Variants in IL12A observed in about 807,000 individuals in gnomAD.
IL12A encodes interleukin-12 subunit alpha.
Under a neutral mutation model 23.5 loss-of-function variants are expected in IL12A, and 16 were observed. That is an observed-to-expected ratio of 0.68 (90% CI 0.46 to 1.03). The LOEUF (loss-of-function observed/expected upper bound fraction) is 1.03, where lower values mean the gene tolerates loss of function less well. Ranked by LOEUF, IL12A falls within the 50% of genes least tolerant of loss-of-function variation. The pLI, the probability that IL12A is intolerant of heterozygous loss-of-function variation, is 0.00. For synonymous variants in IL12A, 106 were observed against 111.5 expected, an observed-to-expected ratio of 0.95 and a Z score of 0.31; for missense variants, 275 against 307.0, an observed-to-expected ratio of 0.90 and a Z score of 0.78.
intron 3 of IL12A, 76 bp downstream of exon 3, chr3:159,993,201 T>G (rs1371595064): frequency 2.3e-6 from 2 of 865,716 alleles, no homozygotes; most frequent in African/African-American, 3.4e-5. Flanking sequence ...TTCTAAAAAT[T>G]CACGTTTCTG....
chr3:159,993,994 T>A (rs1390779086), intron 6 of IL12A, 150 bp downstream of exon 6: 5 of 745,228 alleles, frequency 6.7e-6, no homozygotes, highest in Non-Finnish European at 1.1e-5. Flanking sequence ...GAGGGTGCCG[T>A]CTATAGGGAG....
chr3:159,995,546 T>C lies in IL12A; in HGVS notation c.749T>C (p.Leu250Pro), dbSNP rs1720470036. 1 of 1,590,310 alleles carries C rather than the reference T, an allele frequency of 6.3e-7. No homozygotes were observed. Among genetic ancestry groups the C allele is most frequent in the African/African-American group, 1.4e-5 (1 of 73,714 alleles). Reference sequence around the variant, plus strand: ...ACTATTGATAGAGTGATGAGCTATCTGAATGCTTCCTAAAAAGCGAGGTCC... The same window carrying C: ...ACTATTGATAGAGTGATGAGCTATCCGAATGCTTCCTAAAAAGCGAGGTCC... The change falls in exon 7 of 7, where the codon CTG becomes CCG. Residue 250 changes from leucine (L) to proline (P), a missense_variant. Physicochemically the swap from Leu to Pro is moderately conservative, Grantham distance 98. Coordinates refer to ENST00000305579, the MANE Select transcript of IL12A (RefSeq NM_000882.4).
intron 1 of IL12A, 36 bp from the exon 2 acceptor site, chr3:159,990,131 G>A (rs1720247272): frequency 6.8e-6 from 11 of 1,609,976 alleles, no homozygotes; most frequent in Admixed American, 1.7e-5. Flanking sequence ...AGGCCATCCA[G>A]GCTGAAGCTC....
rs1720205285 is a variant in IL12A, at chr3:159,989,098, T to G, written c.42T>G (p.Pro14=). The G allele has an allele frequency of 6.2e-7, 1 of 1,613,134 alleles. No individual in the cohort carries two copies. Among genetic ancestry groups the G allele is most frequent in the African/African-American group, 1.3e-5 (1 of 74,916 alleles). ...CAGCCTCCCAGCCACCGCCCTCACC[T>G]GCCGCGGCCACAGGTCTGCATCCAG... Residue 14 remains proline (P), a synonymous_variant, in exon 1 of 7, where the codon CCT becomes CCG. Coordinates refer to ENST00000305579, the MANE Select transcript of IL12A (RefSeq NM_000882.4).
chr3:159,990,106 G>A (rs1720245308), intron 1 of IL12A, 61 bp from the exon 2 acceptor site: 3 of 1,571,418 alleles, frequency 1.9e-6, no homozygotes, highest in Admixed American at 3.4e-5. Flanking sequence ...AGAATGGAGG[G>A]AAGGTGGTGC....
Position 159,989,166 on chromosome 3 carries a change from C to T in IL12A, c.110C>T (p.Pro37Leu), listed in dbSNP as rs1453773422. The T allele has an allele frequency of 6.2e-7, 1 of 1,611,656 alleles. No homozygotes were observed. Among genetic ancestry groups the T allele is most frequent in the Non-Finnish European group, 8.5e-7 (1 of 1,179,422 alleles). ...CTGCAGTGCCGGCTCAGCATGTGTCCAGCGCGCAGTGAGTACTCAGCCCGC... is the reference window on the plus strand; with the variant it reads ...CTGCAGTGCCGGCTCAGCATGTGTCTAGCGCGCAGTGAGTACTCAGCCCGC... Residue 37 changes from proline to leucine, a missense_variant, in exon 1 of 7, where the codon CCA (proline) becomes CTA (leucine). By Grantham distance (98) the Pro-to-Leu change is moderately conservative. Coordinates refer to ENST00000305579, the MANE Select transcript of IL12A (RefSeq NM_000882.4).
intron 2 of IL12A, among the ~76,000 whole-genome samples, chr3:159,992,529 A>ATG (rs1243733560): frequency 3.3e-5 from 5 of 152,186 alleles, no homozygotes; most frequent in African/African-American, 1.2e-4. Context: ...ATCTCTGTGT[A>ATG]TGTGTGTGCG....
chr3:159,989,686 G>C (rs1341138200), intron 1 of IL12A, among the ~76,000 whole-genome samples: 2 of 152,196 alleles, frequency 1.3e-5, no homozygotes, highest in African/African-American at 2.4e-5. Flanking sequence ...GGGAGTCTAA[G>C]GCAGGGAAAA....
Position 159,993,586 on chromosome 3 carries a change from T to C in IL12A, c.439T>C (p.Ser147Pro), listed in dbSNP as rs761941291. 3 of 1,614,184 alleles carry C rather than the reference T, an allele frequency of 1.9e-6. No homozygotes were observed. The Admixed American group carries it at 5.0e-5, about 27-fold the overall frequency. Residue 147 changes from serine to proline, a missense_variant, in exon 5 of 7, where the codon TCC (serine) becomes CCC (proline). Ser to Pro is a moderately conservative substitution (Grantham distance 74, BLOSUM62 -1). Coordinates refer to ENST00000305579, the MANE Select transcript of IL12A (RefSeq NM_000882.4). ...CCTCTAGAATGGGAGTTGCCTGGCCTCCAGAAAGACCTCTTTTATGATGGT... is the reference window on the plus strand; with the variant it reads ...CCTCTAGAATGGGAGTTGCCTGGCCCCCAGAAAGACCTCTTTTATGATGGT...
Position 159,988,900 on chromosome 3 carries a change from A to T in IL12A, c.-157A>T, listed in dbSNP as rs1720194613. On this transcript the variant is annotated 5_prime_UTR_variant, in exon 1 of 7. Transcript: ENST00000305579. ...CGTCCCGGAACGGCTGCGGCCGGGC[A>T]CCCCGGGAGTTAATCCGAAAGCGCC... The T allele has an allele frequency of 4.9e-6, 3 of 615,852 alleles. No individual in the cohort carries two copies. Among genetic ancestry groups the T allele is most frequent in the Non-Finnish European group, 5.7e-6 (2 of 353,114 alleles). The allele number at this position is 615,852 out of a possible 1,614,324, so 38.1% of individuals were successfully genotyped here. A position where few individuals can be genotyped will look rare whatever the true frequency, so the allele number is the denominator to read the frequency against.
intron 2 of IL12A, 107 bp from the exon 3 acceptor site, chr3:159,992,905 C>A: frequency 1.6e-6 from 1 of 629,978 alleles, no homozygotes; most frequent in South Asian, 2.2e-5. Context: ...TGACAGAGGT[C>A]AAGGGCAGCC....
At chr3:159,995,293 A>G (rs1157485449) in intron 6 of IL12A, 111 bp from the exon 7 acceptor site, 8 of 694,412 alleles carry the variant, frequency 1.2e-5, no homozygotes, top group Non-Finnish European at 2.3e-6. Flanking sequence ...GGAGTGGCAT[A>G]AGGGACTGAG....
Position 159,993,616 on chromosome 3 carries a change from C to T in IL12A, c.462+7C>T. 6.2e-7 allele frequency: 1 copy of T among 1,614,018 alleles called. No individual in the cohort carries two copies. ...AAAGACCTCTTTTATGATGGTAAGA[C>T]ACACAGCTCTTTCCTCAAATGCAAT... On this transcript the variant is annotated splice_region_variant and intron_variant, in intron 5 of 6. Transcript: ENST00000305579.
At chr3:159,995,239 T>A (rs1468902082) in intron 6 of IL12A, among the ~76,000 whole-genome samples, 165 bp from the exon 7 acceptor site, 1 of 152,222 alleles carries the variant, frequency 6.6e-6, no homozygotes, top group African/African-American at 2.4e-5. Flanking sequence ...TCTTTTCTCA[T>A]TCTGCCTGGT....
chr3:159,994,120 CATAT>C, intron 6 of IL12A: 1 of 368,220 alleles, frequency 2.7e-6, no homozygotes, highest in South Asian at 3.4e-5. Context: ...TCAAAACAAC[CATAT>C]GGGATCTGCA....
Position 159,993,044 on chromosome 3 carries a change from T to C in IL12A, c.297T>C (p.Thr99=), listed in dbSNP as rs751894716. The C allele has an allele frequency of 6.2e-7, 1 of 1,608,668 alleles. No individual in the cohort carries two copies. Among genetic ancestry groups the C allele is most frequent in the Non-Finnish European group, 8.5e-7 (1 of 1,175,058 alleles). ...AAACTCTAGAATTTTACCCTTGCAC[T>C]TCTGAAGAGATTGATCATGAAGATA... is the stretch of plus-strand genomic sequence containing the variant. Residue 99 remains threonine, a synonymous_variant, in exon 3 of 7, where the codon ACT becomes ACC. Coordinates refer to ENST00000305579, the MANE Select transcript of IL12A (RefSeq NM_000882.4).
chr3:159,995,320 A>G (rs1720458663), intron 6 of IL12A, 84 bp from the exon 7 acceptor site: 4 of 1,124,550 alleles, frequency 3.6e-6, no homozygotes, highest in Non-Finnish European at 3.8e-6. Flanking sequence ...GCTCTGAGAC[A>G]TGTACTGGCT....
At chr3:159,993,678 C>G (rs769140786) in intron 5 of IL12A, 23 bp from the exon 6 acceptor site, 1 of 1,614,092 alleles carries the variant, frequency 6.2e-7, no homozygotes, top group Non-Finnish European at 8.5e-7. Context: ...ATGGATACTT[C>G]CCCATCTTGT....
At chr3:159,993,917 G>A in intron 6 of IL12A, 73 bp downstream of exon 6, 1 of 1,508,212 alleles carries the variant, frequency 6.6e-7, no homozygotes, top group Non-Finnish European at 9.1e-7. Flanking sequence ...TTGATAAAGA[G>A]ATATAAAAAG....
Sources: allele counts gnomAD v4.1 joint callset (sites outside exome capture counted in the v4.1 genomes callset), GRCh38; gene constraint gnomAD v4.1.1; transcripts MANE v1.5; gene names NCBI Gene and HGNC (gene_info 2026-07-23, HGNC 2026-07-21).